FAT3: variants seen among roughly 807,000 people sequenced by gnomAD.
FAT3 encodes FAT atypical cadherin 3.
Under a neutral mutation model 310.2 loss-of-function variants are expected in FAT3, and 95 were observed. The ratio of observed to expected loss-of-function variants is 0.31; its 90% CI spans 0.26 to 0.36. FAT3 has a LOEUF of 0.36. Ranked by LOEUF, FAT3 falls within the 10% of genes least tolerant of loss-of-function variation. The pLI is 1.00. For synonymous variants in FAT3, 2,314 were observed against 2,192.9 expected, an observed-to-expected ratio of 1.06 and a Z score of -1.54; for missense variants, 5,408 against 5,715.6, an observed-to-expected ratio of 0.95 and a Z score of 1.74.
intron 7 of FAT3, among the ~76,000 whole-genome samples, chr11:92,780,698 G>A (rs1946724005): frequency 6.6e-6 from 1 of 152,124 alleles, no homozygotes; most frequent in African/African-American, 2.4e-5. Flanking sequence ...GGCCCTACTA[G>A]TTATGAAGGA....
intron 19 of FAT3, among the ~76,000 whole-genome samples, chr11:92,848,349 G>A (rs1417059482): frequency 1.3e-5 from 2 of 152,142 alleles, no homozygotes; most frequent in South Asian, 2.1e-4. Context: ...TTGTGAGGTG[G>A]TTCCTGGTGA....
Position 92,780,906 on chromosome 11 carries a change from C to T in FAT3, c.4335+6726C>T, listed in dbSNP as rs561052039. Among the ~76,000 whole-genome samples the T allele has an allele frequency of 1.2e-4, 19 of 152,250 alleles. 1 individual carries two copies. The South Asian group carries it at 3.9e-3, about 32-fold the overall frequency. On this transcript the variant is annotated intron_variant, in intron 7 of 27. Coordinates refer to ENST00000525166, the MANE Select transcript of FAT3 (RefSeq NM_001367949.2). ...ATGAATTTTAGCACCTTTCCCCATACATCTGCCAAATCAATCTGAGTTACT... is the reference window on the plus strand; with the variant it reads ...ATGAATTTTAGCACCTTTCCCCATATATCTGCCAAATCAATCTGAGTTACT...
At chr11:92,631,361 G>A (rs1238571430) in intron 3 of FAT3, among the ~76,000 whole-genome samples, 2 of 152,222 alleles carry the variant, frequency 1.3e-5, no homozygotes, top group South Asian at 2.1e-4. Flanking sequence ...AGGGTGATAT[G>A]GTTTGGCTGT....
intron 3 of FAT3, among the ~76,000 whole-genome samples, chr11:92,619,805 A>C (rs1424541104): frequency 2.0e-5 from 3 of 151,976 alleles, no homozygotes; most frequent in Non-Finnish European, 2.9e-5. Context: ...TTTAAAAAAA[A>C]CACTTTTAGT....
At chr11:92,516,741 C>T (rs575122405) in intron 2 of FAT3, among the ~76,000 whole-genome samples, 6 of 152,224 alleles carry the variant, frequency 3.9e-5, no homozygotes, top group South Asian at 4.2e-4. Flanking sequence ...TAGAAAACCC[C>T]GTCGTCTCAG....
At chr11:92,317,648 C>T (rs957987112) in intron 1 of FAT3, among the ~76,000 whole-genome samples, 1 of 152,062 alleles carries the variant, frequency 6.6e-6, no homozygotes, top group Non-Finnish European at 1.5e-5. Flanking sequence ...AATAGTGATG[C>T]CTGGTGCTTT....
intron 2 of FAT3, among the ~76,000 whole-genome samples, chr11:92,439,972 A>G (rs1951031344): frequency 1.3e-5 from 2 of 152,010 alleles, no homozygotes; most frequent in Admixed American, 6.6e-5. Flanking sequence ...GCTGGCAGGT[A>G]TCAAAGTGAA....
intron 17 of FAT3, among the ~76,000 whole-genome samples, chr11:92,838,119 A>G (rs1488216452): frequency 6.6e-6 from 1 of 152,190 alleles, no homozygotes; most frequent in Admixed American, 6.5e-5. Flanking sequence ...CTGTGAGGTT[A>G]AGTAATTCAC....
chr11:92,835,521 G>C (rs1948383468), intron 15 of FAT3, among the ~76,000 whole-genome samples: 1 of 151,968 alleles, frequency 6.6e-6, no homozygotes, highest in Non-Finnish European at 1.5e-5. Context: ...AAACGGCTAA[G>C]AGTAAGTTTC....
chr11:92,725,625 C>A (rs2135984616), intron 4 of FAT3, among the ~76,000 whole-genome samples: 1 of 152,172 alleles, frequency 6.6e-6, no homozygotes, highest in African/African-American at 2.4e-5. Flanking sequence ...AGTCTAGCAT[C>A]TTAAAAGACA....
intron 1 of FAT3, among the ~76,000 whole-genome samples, chr11:92,260,861 G>A (rs895733427): frequency 2.6e-5 from 4 of 152,120 alleles, no homozygotes; most frequent in Admixed American, 1.3e-4. Flanking sequence ...ATTGCAAGCT[G>A]ACTGAGTATG....
At chr11:92,792,444 G>A (rs1007819479) in intron 8 of FAT3, among the ~76,000 whole-genome samples, 6 of 152,138 alleles carry the variant, frequency 3.9e-5, no homozygotes, top group Non-Finnish European at 1.5e-5. Flanking sequence ...ACAAATAAGG[G>A]GGAGGCCACT....
chr11:92,320,897 T>G (rs974038412), intron 1 of FAT3, among the ~76,000 whole-genome samples: 1 of 151,926 alleles, frequency 6.6e-6, no homozygotes, highest in African/African-American at 2.4e-5. Flanking sequence ...GGTACTTATT[T>G]ATAATGTCCT....
chr11:92,267,257 A>G (rs886507175), intron 1 of FAT3, among the ~76,000 whole-genome samples: 6 of 152,168 alleles, frequency 3.9e-5, no homozygotes, highest in Non-Finnish European at 5.9e-5. Flanking sequence ...TTTCTTAAAG[A>G]TGGAAATGGT....
chr11:92,373,785 C>T (rs1447688301), intron 2 of FAT3, among the ~76,000 whole-genome samples: 3 of 140,598 alleles, frequency 2.1e-5, no homozygotes, highest in Non-Finnish European at 4.4e-5. Context: ...CACACACACA[C>T]ACACACACAC....
chr11:92,894,885 A>C lies in FAT3; in HGVS notation c.*3772A>C, dbSNP rs1188263042. 3 of 152,200 alleles carry C rather than the reference A, an allele frequency of 2.0e-5. No individual in the cohort carries two copies. The highest frequency in any genetic ancestry group is 2.0e-4 in the Admixed American group (3 of 15,258). 9.4% of individuals were successfully genotyped at this position (152,200 alleles called of 1,614,324 possible). A position where few individuals can be genotyped will look rare whatever the true frequency, so the allele number is the denominator to read the frequency against. ...CATTACTAGCACATTCTGGAAAAAA[A>C]GCAAGTTGAACATATCTACCATCAG... is the stretch of plus-strand genomic sequence containing the variant. On this transcript the variant is annotated 3_prime_UTR_variant, in exon 28 of 28. Transcript: ENST00000525166.
chr11:92,523,878 C>G (rs893136726), intron 2 of FAT3, among the ~76,000 whole-genome samples: 20 of 152,092 alleles, frequency 1.3e-4, no homozygotes, highest in Non-Finnish European at 2.5e-4. Context: ...GCACTTGTTT[C>G]AACCATGAAA....
intron 1 of FAT3, among the ~76,000 whole-genome samples, chr11:92,301,883 A>G (rs1459475136): frequency 2.6e-5 from 4 of 152,044 alleles, no homozygotes; most frequent in Non-Finnish European, 1.5e-5. Context: ...ACCTCTTTCC[A>G]AAGGGCTTTG....
chr11:92,458,512 G>T (rs545495365), intron 2 of FAT3, among the ~76,000 whole-genome samples: 17 of 152,230 alleles, frequency 1.1e-4, no homozygotes, highest in Non-Finnish European at 2.5e-4. Context: ...TCTGTAATTT[G>T]CCATGAAACT....
Sources: allele counts gnomAD v4.1 joint callset (sites outside exome capture counted in the v4.1 genomes callset), GRCh38; gene constraint gnomAD v4.1.1; transcripts MANE v1.5; gene names NCBI Gene and HGNC (gene_info 2026-07-23, HGNC 2026-07-21).